PCLO: variants seen among roughly 807,000 people sequenced by gnomAD.
The protein encoded by PCLO is protein piccolo.
In PCLO, 82 loss-of-function variants were observed where a neutral mutation model predicts 427.5. That is an observed-to-expected ratio of 0.19 (90% CI 0.16 to 0.23). The LOEUF (loss-of-function observed/expected upper bound fraction) is 0.23. Ranked by LOEUF, PCLO falls within the 10% of genes least tolerant of loss-of-function variation. The pLI is 1.00. For missense variants in PCLO, 6,239 were observed against 6,115.9 expected (o/e 1.02, Z -0.67); for synonymous variants, 2,357 against 2,155.4 (o/e 1.09, Z -2.59).
At chr7:82,957,207 C>A (rs1225529765) in intron 4 of PCLO, among the ~76,000 whole-genome samples, 1 of 152,136 alleles carries the variant, frequency 6.6e-6, no homozygotes, top group Admixed American at 6.5e-5. Flanking sequence ...ATTTCAATGT[C>A]ATTTTCCCTC....
chr7:82,775,206 C>T (rs1422182851), intron 22 of PCLO, among the ~76,000 whole-genome samples: 3 of 152,080 alleles, frequency 2.0e-5, no homozygotes, highest in Admixed American at 6.6e-5. Context: ...CATCCATGGG[C>T]AGGTTTTTTT....
chr7:82,992,270 C>A (rs530953450), intron 3 of PCLO, among the ~76,000 whole-genome samples: 1 of 152,168 alleles, frequency 6.6e-6, no homozygotes, highest in South Asian at 2.1e-4. Flanking sequence ...TCCTCCTTGT[C>A]TACCTCAAAG....
rs767862283 is a variant in PCLO at position 82,838,333 on chromosome 7, T to C, written c.14107A>G (p.Asn4703Asp). ...ATTATGAGATTTCCAAGATCATAGT[T>C]AATTTGAAGCTTTAGGAGAGAGAAA... Reference protein sequence around the residue: ...PITGEIQLQINYDLGNLIIHI... With the variant: ...PITGEIQLQIDYDLGNLIIHI... The change falls in exon 15 of 25, where the codon AAC becomes GAC. Residue 4703 changes from asparagine (N) to aspartate (D), a missense_variant. This residue lies in a region of PCLO where 877 missense variants were observed against 925.5 expected (regional missense o/e 0.95). Coordinates refer to ENST00000333891, the MANE Select transcript of PCLO (RefSeq NM_033026.6). 1 of 1,496,026 alleles carries C rather than the reference T, an allele frequency of 6.7e-7. No homozygotes were observed. The highest frequency in any genetic ancestry group is 2.3e-5 in the East Asian group (1 of 42,652). The allele number at this position is 1,496,026 out of a possible 1,614,324, so 92.7% of individuals were successfully genotyped here.
chr7:82,880,845 A>C (rs1362566845), intron 9 of PCLO, among the ~76,000 whole-genome samples: 2 of 152,222 alleles, frequency 1.3e-5, no homozygotes, highest in African/African-American at 4.8e-5. Flanking sequence ...AAAGATTGAC[A>C]TTGTTGTAAA....
rs1554360040 is a variant in PCLO at position 82,952,172 on chromosome 7, T to TCA, written c.8780_8781insTG (p.Glu2927AspfsTer7). ...TCCCTGCGGTTAAATCAACGGGTTT[T>TCA]TCATCTTCTATTATTTTGGTCATCA... On this transcript the variant is annotated frameshift_variant, in exon 5 of 25. Transcript: ENST00000333891. LOFTEE classifies it high-confidence loss of function. 3.7e-6 allele frequency: 6 copies of TCA among 1,613,574 alleles called. No individual in the cohort carries two copies. The highest frequency in any genetic ancestry group is 4.2e-6 in the Non-Finnish European group (5 of 1,179,838).
In PCLO at chr7:82,914,953, T is replaced by C. The variant is rs767409820; in HGVS notation, c.13033A>G (p.Ser4345Gly). The C allele has an allele frequency of 6.2e-7, 1 of 1,613,718 alleles. No homozygotes were observed. The highest frequency in any genetic ancestry group is 8.5e-7 in the Non-Finnish European group (1 of 1,179,732). Residue 4345 changes from serine (S) to glycine (G), a missense_variant, in exon 7 of 25, where the codon AGT becomes GGT. By Grantham distance (56) the Ser-to-Gly change is moderately conservative (BLOSUM62 0). Transcript: ENST00000333891. The part of the protein sequence containing the change: ...ARTKPTSLPI[S>G]QSRGRIPIVA... Reference sequence around the variant, plus strand: ...ATTGGTATTCTTCCTCTACTTTGACTAATTGGCAAACTGGTCGGCTTAGTT... The same window carrying C: ...ATTGGTATTCTTCCTCTACTTTGACCAATTGGCAAACTGGTCGGCTTAGTT...
At chr7:82,885,016 T>C (rs1389860857) in intron 9 of PCLO, among the ~76,000 whole-genome samples, 2 of 152,182 alleles carry the variant, frequency 1.3e-5, no homozygotes, top group Non-Finnish European at 1.5e-5. Context: ...AATATGGGAT[T>C]GTGGCAGAAA....
At position 83,060,918 on chromosome 7, in the gene PCLO, A is replaced by G. The variant is rs541155694; in HGVS notation, c.3300+73332T>C. ...ATCAGTCACAAACTACTCGTCCATA[A>G]AGTTTGGTAGATATACCAGAATATG... On this transcript the variant is annotated intron_variant, in intron 3 of 24. Transcript: ENST00000333891. 2.6e-5 allele frequency among the ~76,000 whole-genome samples: 4 copies of G among 152,272 alleles called. No individual in the cohort carries two copies. In the South Asian group the frequency reaches 8.3e-4, roughly 32 times the overall value.
chr7:82,997,716 G>A (rs946296529), intron 3 of PCLO, among the ~76,000 whole-genome samples: 4 of 151,988 alleles, frequency 2.6e-5, no homozygotes, highest in African/African-American at 9.7e-5. Context: ...GGAAGAATGA[G>A]TTAAGAACCT....
At chr7:82,836,820 A>G (rs1460235669) in intron 15 of PCLO, among the ~76,000 whole-genome samples, 3 of 152,156 alleles carry the variant, frequency 2.0e-5, no homozygotes, top group Admixed American at 2.0e-4. Context: ...CAGCAGATTC[A>G]AGGGCAGTGT....
At chr7:82,889,471 T>C (rs1227584066) in intron 9 of PCLO, among the ~76,000 whole-genome samples, 3 of 152,206 alleles carry the variant, frequency 2.0e-5, no homozygotes, top group Non-Finnish European at 4.4e-5. Flanking sequence ...CTGAAAATTA[T>C]ATGATTTAAA....
rs1388422501 is a variant in PCLO, at chr7:83,162,449, C to A, written c.144G>T (p.Leu48=). 4.4e-6 allele frequency: 7 copies of A among 1,593,710 alleles called. No homozygotes were observed. Among genetic ancestry groups the A allele is most frequent in the Non-Finnish European group, 5.1e-6 (6 of 1,170,046 alleles). The part of the protein sequence containing the change: ...PAGMEADLSQ[L]SEEERRQIAA... ...CGATCTGTCTCCTCTCCTCTTCGCT[C>A]AGCTGGCTCAAATCCGCCTCCATGC... The change falls in exon 1 of 25, where the codon CTG becomes CTT. Residue 48 remains leucine (L), a synonymous_variant. Transcript: ENST00000333891.
At chr7:82,867,604 A>C (rs969581327) in intron 10 of PCLO, among the ~76,000 whole-genome samples, 1 of 152,190 alleles carries the variant, frequency 6.6e-6, no homozygotes, top group African/African-American at 2.4e-5. Flanking sequence ...ATTCCAAGAA[A>C]TATTGGTTAG....
At chr7:82,897,658 C>G (rs1793938813) in intron 9 of PCLO, among the ~76,000 whole-genome samples, 1 of 151,386 alleles carries the variant, frequency 6.6e-6, no homozygotes, top group African/African-American at 2.4e-5. Context: ...ATTAATCTAG[C>G]ACCCAACAAA....
At chr7:83,114,015 T>C (rs1791069836) in intron 3 of PCLO, among the ~76,000 whole-genome samples, 1 of 152,156 alleles carries the variant, frequency 6.6e-6, no homozygotes, top group Non-Finnish European at 1.5e-5. Flanking sequence ...TAAGACTTCT[T>C]ATGAGAGCTT....
intron 3 of PCLO, among the ~76,000 whole-genome samples, chr7:83,032,091 G>A (rs1788682978): frequency 6.6e-6 from 1 of 151,958 alleles, no homozygotes; most frequent in Non-Finnish European, 1.5e-5. Context: ...GTCATCTTAA[G>A]GCATGCAGTA....
At chr7:82,835,955 G>T (rs1279642509) in intron 15 of PCLO, among the ~76,000 whole-genome samples, 3 of 152,086 alleles carry the variant, frequency 2.0e-5, no homozygotes, top group South Asian at 2.1e-4. Context: ...TTGAATAGGG[G>T]TAGCTTATTA....
At chr7:82,869,599 T>C (rs1793180421) in intron 10 of PCLO, among the ~76,000 whole-genome samples, 1 of 152,026 alleles carries the variant, frequency 6.6e-6, no homozygotes, top group African/African-American at 2.4e-5. Flanking sequence ...ATAAAGATGT[T>C]ACAATTAAAA....
intron 3 of PCLO, among the ~76,000 whole-genome samples, chr7:83,079,423 C>A (rs1297481383): frequency 6.6e-6 from 1 of 151,870 alleles, no homozygotes; most frequent in East Asian, 1.9e-4. Context: ...AGAAATAACT[C>A]TGCTGGAACC....
Sources: gnomAD v4.1 joint callset for allele counts (sites outside exome capture counted in the v4.1 genomes callset) on GRCh38, gnomAD v4.1.1 for gene constraint, gnomAD v4.1.1 regional missense constraint, MANE v1.5 for transcripts, NCBI Gene and HGNC (gene_info 2026-07-23, HGNC 2026-07-21) for gene names.